The following ANO2 variants were observed in gnomAD, a reference collection of about 807,000 sequenced individuals.
ANO2 encodes the protein anoctamin-2.
ANO2 carries 101 observed loss-of-function variants against 124.2 expected under a neutral mutation model. The ratio of observed to expected loss-of-function variants is 0.81; its 90% confidence interval spans 0.69 to 0.96. The LOEUF is 0.96. Among genes scored for constraint, ANO2 ranks in the 40% least tolerant of loss-of-function variants. ANO2 has a pLI of 0.00. For synonymous variants in ANO2, 486 were observed against 482.5 expected, an observed-to-expected ratio of 1.01 and a Z score of -0.09; for missense variants, 1,293 against 1,274.5, an observed-to-expected ratio of 1.01 and a Z score of -0.22.
intron 23 of ANO2, among the ~76,000 whole-genome samples, chr12:5,571,310 C>T (rs534550019): frequency 2.0e-5 from 3 of 152,350 alleles, no homozygotes; most frequent in African/African-American, 7.2e-5. Context: ...ATTGATGTCA[C>T]GGGACTGTTT....
intron 10 of ANO2, among the ~76,000 whole-genome samples, chr12:5,754,264 A>AT (rs1951517434): frequency 6.6e-6 from 1 of 152,020 alleles, no homozygotes; most frequent in South Asian, 2.1e-4. Flanking sequence ...CAAGGAAAAA[A>AT]ACCCTTCTTG....
chr12:5,610,827 C>CACACAT (rs1179185062), intron 19 of ANO2, among the ~76,000 whole-genome samples: 57 of 139,294 alleles, frequency 4.1e-4, no homozygotes, highest in African/African-American at 1.4e-3. Context: ...CATACACACA[C>CACACAT]ACACACACAC....
chr12:5,574,427 G>A lies in ANO2; in HGVS notation c.2621+1407C>T, dbSNP rs769286715. The stretch of plus-strand genomic sequence containing the variant: ...ATGACCTCTTGGATTTCTTAACATC[G>A]TTTTAAATGTAACATGATTGAAATC... On this transcript the variant is annotated intron_variant, in intron 23 of 24. Transcript: ENST00000682330. 6.6e-5 allele frequency among the ~76,000 whole-genome samples: 10 copies of A among 152,080 alleles called. 1 individual carries two copies. Among genetic ancestry groups the A allele is most frequent in the African/African-American group, 1.2e-4 (5 of 41,364 alleles).
At chr12:5,620,736 C>T (rs967694405) in intron 16 of ANO2, among the ~76,000 whole-genome samples, 1 of 151,914 alleles carries the variant, frequency 6.6e-6, no homozygotes, top group Non-Finnish European at 1.5e-5. Flanking sequence ...CCTTCCGGTC[C>T]TGCCTGGGTG....
At chr12:5,945,674 A>G (rs1247491316), upstream of ANO2, among the ~76,000 whole-genome samples, 1 of 152,268 alleles carries the variant, frequency 6.6e-6, no homozygotes, top group Non-Finnish European at 1.5e-5. Flanking sequence ...CCACTGCCCA[A>G]GAGTTAGCCC....
At chr12:5,940,395 T>C (rs1159074209) in intron 1 of ANO2, among the ~76,000 whole-genome samples, 1 of 152,230 alleles carries the variant, frequency 6.6e-6, no homozygotes, top group Non-Finnish European at 1.5e-5. Flanking sequence ...ACGTATGTTT[T>C]AGAAGTCGAA....
At chr12:5,927,585 G>T (rs537957079) in intron 1 of ANO2, among the ~76,000 whole-genome samples, 1 of 152,182 alleles carries the variant, frequency 6.6e-6, no homozygotes, top group Non-Finnish European at 1.5e-5. Context: ...TACCATCAGG[G>T]CTTCCAACGA....
chr12:5,773,238 T>A (rs1952135858), intron 10 of ANO2, among the ~76,000 whole-genome samples: 1 of 152,246 alleles, frequency 6.6e-6, no homozygotes, highest in South Asian at 2.1e-4. Context: ...GCTTCCCCAT[T>A]TTTTGTTGAT....
intron 14 of ANO2, among the ~76,000 whole-genome samples, chr12:5,726,061 C>A (rs1187374338): frequency 4.6e-5 from 7 of 151,730 alleles, no homozygotes; most frequent in African/African-American, 1.2e-4. Context: ...GAATTGGTGA[C>A]CTGCAGGGAA....
At chr12:5,649,038 C>T (rs1440790691) in intron 14 of ANO2, among the ~76,000 whole-genome samples, 1 of 152,186 alleles carries the variant, frequency 6.6e-6, no homozygotes, top group Non-Finnish European at 1.5e-5. Flanking sequence ...CTTGGTGCCA[C>T]GCACAGTGGG....
intron 14 of ANO2, among the ~76,000 whole-genome samples, chr12:5,724,430 C>T (rs1265843816): frequency 1.3e-5 from 2 of 152,170 alleles, no homozygotes; most frequent in African/African-American, 4.8e-5. Flanking sequence ...TCTCCCTGGG[C>T]CCAGAGTAAG....
At chr12:5,796,635 G>A (rs1221727540) in intron 10 of ANO2, among the ~76,000 whole-genome samples, 1 of 152,196 alleles carries the variant, frequency 6.6e-6, no homozygotes, top group Non-Finnish European at 1.5e-5. Context: ...GGAGAGCCGT[G>A]CGGGGCTGGA....
At chr12:5,789,248 T>C (rs959165518) in intron 10 of ANO2, among the ~76,000 whole-genome samples, 1 of 152,250 alleles carries the variant, frequency 6.6e-6, no homozygotes, top group South Asian at 2.1e-4. Flanking sequence ...CTCTCTGCCA[T>C]GCAGCTTGCC....
At chr12:5,610,703 T>A (rs910669168) in intron 19 of ANO2, among the ~76,000 whole-genome samples, 16 of 125,190 alleles carry the variant, frequency 1.3e-4, no homozygotes, top group African/African-American at 4.5e-4. Context: ...GGCAAATACA[T>A]GTATGTGTAC....
intron 14 of ANO2, among the ~76,000 whole-genome samples, chr12:5,708,245 C>A (rs1949690305): frequency 6.6e-6 from 1 of 152,178 alleles, no homozygotes; most frequent in African/African-American, 2.4e-5. Flanking sequence ...TGATGGACTC[C>A]CCACTAATGT....
chr12:5,754,145 C>T (rs1216020274), intron 10 of ANO2, among the ~76,000 whole-genome samples: 1 of 152,000 alleles, frequency 6.6e-6, no homozygotes, highest in African/African-American at 2.4e-5. Context: ...AATTTTAAAT[C>T]GTGAAACAGT....
chr12:5,627,363 T>G (rs1471936647), intron 16 of ANO2, among the ~76,000 whole-genome samples: 2 of 151,994 alleles, frequency 1.3e-5, no homozygotes, highest in East Asian at 3.9e-4. Context: ...AGGAAGAGAA[T>G]ACAAGCCAGC....
chr12:5,578,463 C>T lies in ANO2; in HGVS notation c.2289G>A (p.Val763=), dbSNP rs370122752. The change falls in exon 21 of 25, where the codon GTG becomes GTA. Residue 763 remains valine, a synonymous_variant. Transcript: ENST00000682330. ...CAATGACGTTGTTGAGGAGGGCAAA[C>T]ACAGGTGCCAGGGGAAAGGAGGCCA... The part of the protein sequence containing the change: ...LFVASFPLAP[V]FALLNNVIEV... 4 of 1,613,826 alleles carry T rather than the reference C, an allele frequency of 2.5e-6. No individual in the cohort carries two copies. The East Asian group carries it at 8.9e-5, about 36-fold the overall frequency.
At chr12:5,717,298 GA>G (rs1950058662) in intron 14 of ANO2, among the ~76,000 whole-genome samples, 1 of 152,296 alleles carries the variant, frequency 6.6e-6, no homozygotes, top group East Asian at 1.9e-4. Context: ...AGAGAAAATG[GA>G]ATGCCCAAAT....
Sources: allele counts gnomAD v4.1 joint callset (sites outside exome capture counted in the v4.1 genomes callset), GRCh38; gene constraint gnomAD v4.1.1; transcripts MANE v1.5; gene names NCBI Gene and HGNC (gene_info 2026-07-23, HGNC 2026-07-21).